The following CREBZF variants were observed in gnomAD, a reference collection of about 807,000 sequenced individuals.
CREBZF encodes CREB/ATF bZIP transcription factor.
CREBZF carries 8 observed loss-of-function variants against 21.1 expected under a neutral mutation model. The observed-to-expected ratio is 0.38, with a 90% confidence interval of 0.22 to 0.68. The LOEUF is 0.68. Ranked by LOEUF, CREBZF falls within the 30% of genes least tolerant of loss-of-function variation. The pLI, the probability that CREBZF is intolerant of heterozygous loss-of-function variation, is 0.51. For synonymous variants in CREBZF, 270 were observed against 223.3 expected (o/e 1.21, Z -1.86); for missense variants, 518 against 484.3 (o/e 1.07, Z -0.65).
rs992733988 is a variant in CREBZF at position 85,662,122 on chromosome 11, T to C, written c.*1689A>G. On this transcript the variant is annotated 3_prime_UTR_variant, in exon 1 of 1. Coordinates refer to ENST00000527447, the MANE Select transcript of CREBZF (RefSeq NM_001039618.4). Reference sequence around the variant, plus strand: ...ACCCATTCATGCTCAAGTGCAGTAGTAGATGATTTTACAAAATATGCTGTG... The same window carrying C: ...ACCCATTCATGCTCAAGTGCAGTAGCAGATGATTTTACAAAATATGCTGTG... The C allele has an allele frequency of 1.3e-4, 52 of 403,428 alleles. No individual in the cohort carries two copies. Among genetic ancestry groups the C allele is most frequent in the Middle Eastern group, 1.5e-3 (2 of 1,308 alleles). 25.0% of individuals were successfully genotyped at this position (403,428 alleles called of 1,614,324 possible). A position where few individuals can be genotyped will look rare whatever the true frequency, so the allele number is the denominator to read the frequency against.
At chr11:85,682,356 T>G (rs1345475897) in intron 1 of CREBZF, among the ~76,000 whole-genome samples, 1 of 152,234 alleles carries the variant, frequency 6.6e-6, no homozygotes, top group Non-Finnish European at 1.5e-5. Context: ...CGGTTGTTCT[T>G]CAGAGGCATC....
At chr11:85,680,646 A>G (rs1047874683) in intron 1 of CREBZF, among the ~76,000 whole-genome samples, 10 of 152,252 alleles carry the variant, frequency 6.6e-5, no homozygotes, top group Non-Finnish European at 2.9e-5. Flanking sequence ...AGCATCAAGT[A>G]GGGAGACTCA....
In CREBZF at chr11:85,661,858, ATTTCAATTCAAGGCTTCTG is replaced by A. The variant is rs2082690649; in HGVS notation, c.*1934_*1952del. 6.6e-6 allele frequency: 1 copy of A among 152,300 alleles called. No individual in the cohort carries two copies. The highest frequency in any genetic ancestry group is 6.6e-5 in the Admixed American group (1 of 15,234). The allele number at this position is 152,300 out of a possible 1,614,324, so 9.4% of individuals were successfully genotyped here. A position where few individuals can be genotyped will look rare whatever the true frequency, so the allele number is the denominator to read the frequency against. ...TACAAAATGTTCAAGTATTAGTTAA[ATTTCAATTCAAGGCTTCTG>A]TTTCAAAAAAGCTACATTTAACATA... On this transcript the variant is annotated 3_prime_UTR_variant, in exon 1 of 1. Transcript: ENST00000527447.
chr11:85,665,074 G>C lies in CREBZF; in HGVS notation c.-199C>G, dbSNP rs1174562095. 2.3e-6 allele frequency: 1 copy of C among 437,980 alleles called. No individual in the cohort carries two copies. Among genetic ancestry groups the C allele is most frequent in the Admixed American group, 4.0e-5 (1 of 24,782 alleles). 27.1% of individuals were successfully genotyped at this position (437,980 alleles called of 1,614,324 possible). ...CGGGGAGGGACGGGAGAACGAAGCG[G>C]TGAGGCCCTGCGATGACTCGACCGC... On this transcript the variant is annotated 5_prime_UTR_variant, in exon 1 of 1. Coordinates refer to ENST00000527447, the MANE Select transcript of CREBZF (RefSeq NM_001039618.4).
In CREBZF at chr11:85,664,823, G is replaced by C. The variant is rs1315947265; in HGVS notation, c.53C>G (p.Thr18Ser). The change falls in exon 1 of 1, where the codon ACC becomes AGC. Residue 18 changes from threonine to serine, a missense_variant. Physicochemically the swap from Thr to Ser is moderately conservative, Grantham distance 58 (BLOSUM62 1). Transcript: ENST00000527447. The surrounding 1 kb of genome is among the most constrained non-coding windows in gnomAD (Gnocchi z 5.5). Reference sequence around the variant, plus strand: ...AGCCGGCTCCGGGCTCTCACTGCGGGTTGGGGAGTTGCTGCCCGAGGCTGC... The same window carrying C: ...AGCCGGCTCCGGGCTCTCACTGCGGCTTGGGGAGTTGCTGCCCGAGGCTGC... The part of the protein sequence containing the change: ...LLAASGSNSP[T>S]RSESPEPAAT... The C allele has an allele frequency of 6.5e-7, 1 of 1,545,084 alleles. No homozygotes were observed. Among genetic ancestry groups the C allele is most frequent in the African/African-American group, 1.4e-5 (1 of 72,228 alleles).
At position 85,660,479 on chromosome 11, in the gene CREBZF, A is replaced by T. The variant is rs1220014475; in HGVS notation, c.*3332T>A. ...ATTTGGGAACTTGAAAATGGCATTC[A>T]TTTTTTTCAGCAGATGCCAAATTTT... On this transcript the variant is annotated 3_prime_UTR_variant, in exon 1 of 1. Transcript: ENST00000527447. 5 of 398,278 alleles carry T rather than the reference A, an allele frequency of 1.3e-5. No homozygotes were observed. Among genetic ancestry groups the T allele is most frequent in the Non-Finnish European group, 2.5e-5 (5 of 203,626 alleles). The allele number at this position is 398,278 out of a possible 1,614,324, so 24.7% of individuals were successfully genotyped here.
At chr11:85,665,735 G>A (rs972362874), upstream of CREBZF, among the ~76,000 whole-genome samples, 1 of 152,146 alleles carries the variant, frequency 6.6e-6, no homozygotes, top group South Asian at 2.1e-4. Flanking sequence ...AGTTGTTCTT[G>A]CCATTTTTGT....
At chr11:85,670,989 GACAC>G (rs1392696293) in intron 1 of CREBZF, among the ~76,000 whole-genome samples, 1 of 152,204 alleles carries the variant, frequency 6.6e-6, no homozygotes, top group African/African-American at 2.4e-5. Flanking sequence ...ACAATGGAAA[GACAC>G]ACAGGTAGAG....
At position 85,665,098 on chromosome 11, in the gene CREBZF, G is replaced by A. The variant is rs1009498764; in HGVS notation, c.-223C>T. The A allele has an allele frequency of 9.5e-6, 4 of 419,634 alleles. No homozygotes were observed. Among genetic ancestry groups the A allele is most frequent in the Non-Finnish European group, 1.3e-5 (3 of 231,194 alleles). 26.0% of individuals were successfully genotyped at this position (419,634 alleles called of 1,614,324 possible). The stretch of plus-strand genomic sequence containing the variant: ...GGTGAGGCCCTGCGATGACTCGACC[G>A]CGCCACCCAGACAACGGCGTAGCCG... On this transcript the variant is annotated 5_prime_UTR_variant, in exon 1 of 1. Coordinates refer to ENST00000527447, the MANE Select transcript of CREBZF (RefSeq NM_001039618.4).
At chr11:85,671,785 C>A (rs2082913320) in intron 1 of CREBZF, among the ~76,000 whole-genome samples, 1 of 152,186 alleles carries the variant, frequency 6.6e-6, no homozygotes, top group Admixed American at 6.5e-5. Flanking sequence ...TTTGCAGGGT[C>A]CAGGCCCCCT....
upstream of CREBZF, among the ~76,000 whole-genome samples, chr11:85,669,108 A>ACTTG (rs2082893741): frequency 6.7e-6 from 1 of 149,616 alleles, no homozygotes; most frequent in Non-Finnish European, 1.5e-5. Flanking sequence ...TTATTAAATG[A>ACTTG]CTTGCAGCAT....
At chr11:85,671,243 A>G (rs939696204) in intron 1 of CREBZF, among the ~76,000 whole-genome samples, 1 of 152,232 alleles carries the variant, frequency 6.6e-6, no homozygotes, top group African/African-American at 2.4e-5. Context: ...TATTCACTAC[A>G]GTGAAAACAG....
chr11:85,675,109 A>C (rs1047259565), intron 1 of CREBZF, among the ~76,000 whole-genome samples: 2 of 152,130 alleles, frequency 1.3e-5, no homozygotes, highest in African/African-American at 4.8e-5. Context: ...AGCAATAAGG[A>C]TGTTTTATTT....
In CREBZF at chr11:85,664,665, C is replaced by G; in HGVS notation, c.211G>C (p.Gly71Arg). 6.2e-7 allele frequency: 1 copy of G among 1,603,662 alleles called. No homozygotes were observed. Among genetic ancestry groups the G allele is most frequent in the South Asian group, 1.1e-5 (1 of 90,308 alleles). ...GAGGGCGCGCGCACGGCCACGCCGCCGCGGCTCCCCCTCCCGGCTTCCAAC... is the reference window on the plus strand; with the variant it reads ...GAGGGCGCGCGCACGGCCACGCCGCGGCGGCTCCCCCTCCCGGCTTCCAAC... ...GELEAGRGSR[G>R]GVAVRAPSPE... The change falls in exon 1 of 1, where the codon GGC becomes CGC. Residue 71 changes from glycine (G) to arginine (R), a missense_variant. Coordinates refer to ENST00000527447, the MANE Select transcript of CREBZF (RefSeq NM_001039618.4). This position sits in a 1 kb window ranked among gnomAD's most constrained non-coding sequence, Gnocchi z 5.5.
chr11:85,679,149 C>T (rs1741583453), intron 1 of CREBZF, among the ~76,000 whole-genome samples: 1 of 152,198 alleles, frequency 6.6e-6, no homozygotes, highest in African/African-American at 2.4e-5. Flanking sequence ...TACTGTGAAG[C>T]TTTCGAAGCT....
At chr11:85,666,767 G>A (rs1356149198), upstream of CREBZF, among the ~76,000 whole-genome samples, 1 of 152,210 alleles carries the variant, frequency 6.6e-6, no homozygotes. Context: ...TTTGACTGAA[G>A]CCATAACACT....
chr11:85,666,425 C>G (rs1275866487), upstream of CREBZF, among the ~76,000 whole-genome samples: 1 of 152,214 alleles, frequency 6.6e-6, no homozygotes, highest in African/African-American at 2.4e-5. Flanking sequence ...GATGCAATAT[C>G]TTACTCAGTT....
chr11:85,674,686 C>T (rs527557601), intron 1 of CREBZF, among the ~76,000 whole-genome samples: 4 of 152,312 alleles, frequency 2.6e-5, no homozygotes, highest in Non-Finnish European at 5.9e-5. Context: ...CAATAAAAGG[C>T]CTTTTTGTCC....
At position 85,664,066 on chromosome 11, in the gene CREBZF, G is replaced by C. The variant is rs752637526; in HGVS notation, c.810C>G (p.Val270=). 1.2e-5 allele frequency: 20 copies of C among 1,613,586 alleles called. No individual in the cohort carries two copies. Among genetic ancestry groups the C allele is most frequent in the Middle Eastern group, 1.6e-4 (1 of 6,084 alleles). The change falls in exon 1 of 1, where the codon GTC becomes GTG. Residue 270 remains valine (V), a synonymous_variant. Coordinates refer to ENST00000527447, the MANE Select transcript of CREBZF (RefSeq NM_001039618.4). The surrounding 1 kb of genome is among the most constrained non-coding windows in gnomAD (Gnocchi z 5.5). ...LQEESRYLRA[V]LANETGLARL... is the part of the protein sequence containing the mutation. ...GAGCCAGTCCAGTCTCGTTGGCTAA[G>C]ACTGCCCGTAGGTAGCGACTCTCCT...
Sources: allele counts gnomAD v4.1 joint callset (sites outside exome capture counted in the v4.1 genomes callset), GRCh38; gene constraint gnomAD v4.1.1; non-coding constraint Gnocchi (gnomAD v3.1); transcripts MANE v1.5; gene names NCBI Gene and HGNC (gene_info 2026-07-23, HGNC 2026-07-21).